Variants in PHEX observed in about 807,000 individuals in gnomAD.
PHEX encodes the protein phosphate-regulating neutral endopeptidase PHEX.
PHEX carries 16 observed loss-of-function variants against 68.0 expected under a neutral mutation model. That is an observed-to-expected ratio of 0.24 (90% CI 0.16 to 0.36). The LOEUF is 0.36. PHEX is among the 10% of genes least tolerant of loss of function. The pLI is 1.00. For missense variants in PHEX, 480 were observed against 575.5 expected (o/e 0.83, Z 1.70); for synonymous variants, 208 against 205.1 (o/e 1.01, Z -0.12).
chrX:22,218,733 C>T (rs1935171241), intron 16 of PHEX, among the ~76,000 whole-genome samples: 1 of 112,056 alleles, frequency 8.9e-6, no homozygotes, highest in African/African-American at 3.2e-5. Context: ...AAAATCATAG[C>T]AATCTTAAGG....
At chrX:22,104,936 A>AC (rs1174655073) in intron 9 of PHEX, among the ~76,000 whole-genome samples, 1 of 112,376 alleles carries the variant, frequency 8.9e-6, no homozygotes, top group Non-Finnish European at 1.9e-5. Context: ...TTTGTCAAGG[A>AC]CCCTGTAAGT....
intron 11 of PHEX, among the ~76,000 whole-genome samples, chrX:22,118,689 A>G (rs1368683833): frequency 9.0e-6 from 1 of 110,992 alleles, no homozygotes; most frequent in Non-Finnish European, 1.9e-5. Context: ...AGTGGGAGAG[A>G]GCAGTTCACA....
chrX:22,131,617 T>C (rs1465368116), intron 11 of PHEX, among the ~76,000 whole-genome samples: 2 of 113,061 alleles, frequency 1.8e-5, no homozygotes, highest in African/African-American at 6.4e-5. Flanking sequence ...ACAACTGTTA[T>C]TGAACTGAAA....
At chrX:22,227,145 G>A (rs190559935) in intron 19 of PHEX, among the ~76,000 whole-genome samples, 48 of 112,155 alleles carry the variant, frequency 4.3e-4, no homozygotes, top group African/African-American at 1.5e-3. Flanking sequence ...TTTCTCTTAC[G>A]TGTCAAAATG....
intron 20 of PHEX, 149 bp downstream of exon 20, chrX:22,227,760 A>T: frequency 2.0e-6 from 1 of 491,024 alleles, no homozygotes; most frequent in Non-Finnish European, 3.7e-6. Flanking sequence ...GGTAAATCTC[A>T]TCTTCTTAAT....
intron 14 of PHEX, among the ~76,000 whole-genome samples, chrX:22,187,781 A>G (rs189259892): frequency 1.8e-5 from 2 of 111,964 alleles, no homozygotes; most frequent in Admixed American, 1.9e-4. Context: ...GGAAAAGAAT[A>G]TGCATTTTAT....
At chrX:22,066,239 G>A (rs1469190046) in intron 3 of PHEX, among the ~76,000 whole-genome samples, 1 of 112,030 alleles carries the variant, frequency 8.9e-6, no homozygotes, top group African/African-American at 3.2e-5. Flanking sequence ...AGAGTGGCTT[G>A]GAGGAGGTAG....
chrX:22,199,799 C>T (rs1934490327), intron 15 of PHEX, among the ~76,000 whole-genome samples: 1 of 112,105 alleles, frequency 8.9e-6, no homozygotes, highest in Admixed American at 9.5e-5. Context: ...AAATCATATA[C>T]TGAGGTTGCT....
intron 20 of PHEX, among the ~76,000 whole-genome samples, chrX:22,235,433 C>T (rs992536442): frequency 1.8e-5 from 2 of 111,953 alleles, no homozygotes; most frequent in African/African-American, 6.5e-5. Context: ...AAATTTATCA[C>T]AGTTCTGGAG....
chrX:22,061,022 TAAC>T (rs200404084), intron 3 of PHEX, among the ~76,000 whole-genome samples: 3,991 of 111,631 alleles, frequency 0.036, 171 homozygotes, highest in African/African-American at 0.12. Flanking sequence ...GCTTTGGTGG[TAAC>T]AATTCCTGAA....
At position 22,194,192 on chromosome X, in the gene PHEX, A is replaced by T. The variant is rs1323382843; in HGVS notation, c.1645+3690A>T. Among the ~76,000 whole-genome samples the T allele has an allele frequency of 7.1e-5, 8 of 112,039 alleles. No homozygotes were observed. The South Asian group carries it at 1.5e-3, about 21-fold the overall frequency. ...AGCTCATGGGCAGAGGGTTTTTTTTAAAATGAACAATTTGAAACAGTATTT... is the reference window on the plus strand; with the variant it reads ...AGCTCATGGGCAGAGGGTTTTTTTTTAAATGAACAATTTGAAACAGTATTT... On this transcript the variant is annotated intron_variant, in intron 15 of 21. Transcript: ENST00000379374.
intron 13 of PHEX, among the ~76,000 whole-genome samples, chrX:22,173,597 T>A (rs767254783): frequency 9.0e-6 from 1 of 110,738 alleles, no homozygotes; most frequent in East Asian, 2.9e-4. Flanking sequence ...TGTCTACATG[T>A]ATAGACACAC....
chrX:22,233,234 C>T (rs1301347503), intron 20 of PHEX, among the ~76,000 whole-genome samples: 1 of 111,491 alleles, frequency 9.0e-6, no homozygotes, highest in Non-Finnish European at 1.9e-5. Context: ...CTCTGGCTCC[C>T]CTTAACTTTT....
rs768503558 is a variant in PHEX at position 22,038,497 on chromosome X, T to C, written c.147T>C (p.Ala49=). The change falls in exon 2 of 22, where the codon GCT becomes GCC. Residue 49 remains alanine (A), a synonymous_variant. Transcript: ENST00000379374. ...LVSQGLLSLQ[A]KQEYCLKPEC... ...GTCAAGGTCTCTTAAGTCTCCAAGCTAAACAGGAGTACTGCCTGAAGCCAG... is the reference window on the plus strand; with the variant it reads ...GTCAAGGTCTCTTAAGTCTCCAAGCCAAACAGGAGTACTGCCTGAAGCCAG... 1.7e-6 allele frequency: 2 copies of C among 1,198,347 alleles called. No individual in the cohort carries two copies.
intron 11 of PHEX, among the ~76,000 whole-genome samples, chrX:22,127,222 T>C (rs1278173230): frequency 9.0e-6 from 1 of 111,318 alleles, no homozygotes; most frequent in Non-Finnish European, 1.9e-5. Flanking sequence ...AGAGGGCTCT[T>C]ACCCTGAATA....
At chrX:22,165,725 T>G (rs763845943) in intron 12 of PHEX, among the ~76,000 whole-genome samples, 1 of 112,119 alleles carries the variant, frequency 8.9e-6, no homozygotes, top group African/African-American at 3.2e-5. Context: ...GACAGTGTAC[T>G]TGTAAGCTTC....
At chrX:22,094,202 A>G (rs1165374251) in intron 7 of PHEX, 103 bp downstream of exon 7, 12 of 501,335 alleles carry the variant, frequency 2.4e-5, no homozygotes, top group African/African-American at 2.1e-4. Flanking sequence ...CTGAATGAAA[A>G]TATAAATTGC....
chrX:22,070,583 G>A (rs1928855543), intron 3 of PHEX, among the ~76,000 whole-genome samples: 1 of 112,179 alleles, frequency 8.9e-6, no homozygotes, highest in African/African-American at 3.2e-5. Context: ...CTACTTGGGA[G>A]GCTGAGGTGA....
At chrX:22,228,634 G>C (rs1257215722) in intron 20 of PHEX, among the ~76,000 whole-genome samples, 1 of 110,827 alleles carries the variant, frequency 9.0e-6, no homozygotes, top group Admixed American at 9.6e-5. Context: ...GATTTTCCTG[G>C]TTAGAAAGCC....
Sources: gnomAD v4.1 joint callset for allele counts (sites outside exome capture counted in the v4.1 genomes callset) on GRCh38, gnomAD v4.1.1 for gene constraint, MANE v1.5 for transcripts, NCBI Gene and HGNC (gene_info 2026-07-23, HGNC 2026-07-21) for gene names.